Variants in ADGRB1 observed in about 807,000 individuals in gnomAD.
ADGRB1 encodes brain-specific angiogenesis inhibitor 1.
In ADGRB1, 36 loss-of-function variants were observed where a neutral mutation model predicts 175.7. The ratio of observed to expected loss-of-function variants is 0.20; its 90% CI spans 0.16 to 0.27. The LOEUF (loss-of-function observed/expected upper bound fraction) is 0.27. Among genes scored for constraint, ADGRB1 ranks in the 10% least tolerant of loss-of-function variants. The pLI, the probability that ADGRB1 is intolerant of heterozygous loss-of-function variation, is 1.00. For synonymous variants in ADGRB1, 1,054 were observed against 979.4 expected (o/e 1.08, Z -1.42); for missense variants, 1,731 against 2,255.3 (o/e 0.77, Z 4.71).
intron 2 of ADGRB1, 104 bp downstream of exon 2, chr8:142,465,086 G>A: frequency 2.6e-6 from 3 of 1,163,538 alleles, no homozygotes; most frequent in South Asian, 3.3e-5. Context: ...GGACAGAGGA[G>A]GTGGGCGGGC....
At chr8:142,512,839 TG>T (rs1201145785) in intron 18 of ADGRB1, among the ~76,000 whole-genome samples, 1 of 152,112 alleles carries the variant, frequency 6.6e-6, no homozygotes, top group African/African-American at 2.4e-5. Context: ...GGCAGGTACA[TG>T]GGCTGAAGGG....
rs770640823 is a variant in ADGRB1, at chr8:142,537,031, G to A, written c.3615G>A (p.Glu1205=). 49 of 1,590,412 alleles carry A rather than the reference G, an allele frequency of 3.1e-5. No homozygotes were observed. In the East Asian group the frequency reaches 1.1e-3, roughly 37 times the overall value. ...GCCGTGTGGTTGACCGGCAGGAGGA[G>A]GGCAACGGGGACTCAGGGGGCTCCT... ...VKCRVVDRQE[E]GNGDSGGSFQ... The change falls in exon 26 of 31, where the codon GAG becomes GAA. Residue 1205 remains glutamate, a synonymous_variant. Transcript: ENST00000517894. The surrounding 1 kb of genome is among the most constrained non-coding windows in gnomAD (Gnocchi z 4.6).
intron 3 of ADGRB1, among the ~76,000 whole-genome samples, chr8:142,475,863 T>A (rs1840939149): frequency 2.2e-5 from 2 of 91,370 alleles, no homozygotes; most frequent in Admixed American, 2.1e-4. Flanking sequence ...GTGAATAGGG[T>A]GGGTCTGGGC....
chr8:142,540,693 G>A (rs1292686754), intron 27 of ADGRB1, among the ~76,000 whole-genome samples: 7 of 152,172 alleles, frequency 4.6e-5, no homozygotes, highest in Non-Finnish European at 1.0e-4. Flanking sequence ...TGGGAGGTCG[G>A]GAGCCCCAGG....
intron 23 of ADGRB1, among the ~76,000 whole-genome samples, chr8:142,525,266 C>T (rs571615188): frequency 6.6e-6 from 1 of 152,116 alleles, no homozygotes; most frequent in Non-Finnish European, 1.5e-5. Context: ...TTATTCCTTC[C>T]TCCAGGCGGG....
chr8:142,536,897 C>A, intron 25 of ADGRB1, 90 bp from the exon 26 acceptor site: 1 of 1,146,680 alleles, frequency 8.7e-7, no homozygotes, highest in Non-Finnish European at 1.2e-6. Flanking sequence ...CCGAGACGCC[C>A]GCCCCCCCAC....
chr8:142,467,922 G>A (rs370987969), intron 2 of ADGRB1, among the ~76,000 whole-genome samples: 9 of 152,344 alleles, frequency 5.9e-5, no homozygotes, highest in African/African-American at 1.9e-4. Flanking sequence ...TCTTAGGCAG[G>A]GAGACTCTAG....
At chr8:142,478,489 A>T (rs1244785185) in intron 7 of ADGRB1, 129 bp downstream of exon 7, 1 of 1,143,066 alleles carries the variant, frequency 8.7e-7, no homozygotes, top group Non-Finnish European at 1.2e-6. Flanking sequence ...AGTGGGGTGC[A>T]CAGTGGGGTC....
rs1275300005 is a variant in ADGRB1, at chr8:142,511,872, C to G, written c.2817+799C>G. ...TGGGCGTGTGCTCACCAAGTAACCT[C>G]CGCCCAGACCTCGTGTGGAAGCCTG... On this transcript the variant is annotated intron_variant, in intron 18 of 30. Coordinates refer to ENST00000517894, the MANE Select transcript of ADGRB1 (RefSeq NM_001702.3). This position sits in a 1 kb window ranked among gnomAD's most constrained non-coding sequence, Gnocchi z 4.5. 6.6e-6 allele frequency among the ~76,000 whole-genome samples: 1 copy of G among 152,218 alleles called. No individual in the cohort carries two copies. Among genetic ancestry groups the G allele is most frequent in the Non-Finnish European group, 1.5e-5 (1 of 68,032 alleles).
At chr8:142,484,797 C>A in intron 13 of ADGRB1, 33 bp downstream of exon 13, 1 of 1,497,054 alleles carries the variant, frequency 6.7e-7, no homozygotes, top group Non-Finnish European at 9.1e-7. Context: ...ACCCCCCATG[C>A]CTTGCTTTGC....
intron 23 of ADGRB1, 79 bp from the exon 24 acceptor site, chr8:142,526,463 A>C: frequency 7.5e-7 from 1 of 1,324,864 alleles, no homozygotes. Context: ...TGGCGTAGCC[A>C]GCATCGGTCC....
chr8:142,483,869 A>G, intron 11 of ADGRB1, 108 bp from the exon 12 acceptor site: 2 of 1,169,728 alleles, frequency 1.7e-6, no homozygotes, highest in Non-Finnish European at 2.5e-6. Flanking sequence ...TCCTGGTCAC[A>G]TATTCAGCCC....
In ADGRB1 at chr8:142,474,492, G is replaced by T. The variant is rs890632583; in HGVS notation, c.785-982G>T. Among the ~76,000 whole-genome samples, 2 of 152,266 alleles carry T rather than the reference G, an allele frequency of 1.3e-5. No individual in the cohort carries two copies. The highest frequency in any genetic ancestry group is 1.3e-4 in the Admixed American group (2 of 15,300). Reference sequence around the variant, plus strand: ...GCAGGAGGCCCGAGCGGGAGGCCTGGACGCGGCAGCCCCTTCCCGGCCCCC... The same window carrying T: ...GCAGGAGGCCCGAGCGGGAGGCCTGTACGCGGCAGCCCCTTCCCGGCCCCC... On this transcript the variant is annotated intron_variant, in intron 2 of 30. Transcript: ENST00000517894. This position sits in a 1 kb window ranked among gnomAD's most constrained non-coding sequence, Gnocchi z 5.8.
At chr8:142,527,546 C>T (rs1345410141) in intron 24 of ADGRB1, among the ~76,000 whole-genome samples, 8 of 152,140 alleles carry the variant, frequency 5.3e-5, no homozygotes, top group Admixed American at 4.6e-4. Flanking sequence ...CGTGCCATGG[C>T]CCTGGGGTCT....
chr8:142,539,215 G>A (rs553519465), intron 26 of ADGRB1, among the ~76,000 whole-genome samples, 159 bp from the exon 27 acceptor site: 13 of 152,262 alleles, frequency 8.5e-5, no homozygotes, highest in African/African-American at 3.1e-4. Context: ...AGGTACATGG[G>A]GAGGCATGGT....
intron 6 of ADGRB1, 63 bp downstream of exon 6, chr8:142,477,612 C>T (rs1841053281): frequency 6.5e-7 from 1 of 1,546,920 alleles, no homozygotes; most frequent in African/African-American, 1.4e-5. Flanking sequence ...CACAGTGGGC[C>T]ACCGGCCAGG....
At chr8:142,521,004 G>A (rs570206997) in intron 20 of ADGRB1, 79 bp downstream of exon 20, 19 of 1,394,278 alleles carry the variant, frequency 1.4e-5, no homozygotes, top group South Asian at 2.6e-5. Context: ...GGCCTGGACC[G>A]TGGGATCCCT....
Position 142,513,198 on chromosome 8 carries a change from C to T in ADGRB1, c.2817+2125C>T, listed in dbSNP as rs554972304. The stretch of plus-strand genomic sequence containing the variant: ...GTCTGCAGAGCCACGGGACCGAGGG[C>T]GGGCTGCCTGGACCCTGGGAGCCTC... On this transcript the variant is annotated intron_variant, in intron 18 of 30. Transcript: ENST00000517894. Among the ~76,000 whole-genome samples the T allele has an allele frequency of 1.4e-3, 214 of 152,290 alleles. 1 individual carries two copies. Among genetic ancestry groups the T allele is most frequent in the Middle Eastern group, 3.4e-3 (1 of 294 alleles).
Position 142,542,412 on chromosome 8 carries a change from C to G in ADGRB1, c.4178C>G (p.Pro1393Arg). Residue 1393 changes from proline (P) to arginine (R), a missense_variant, in exon 28 of 31, where the codon CCG (proline) becomes CGG (arginine). Around this residue, in one of 8 missense-constraint regions of ADGRB1, gnomAD observed 394 missense variants for 410.2 expected, o/e 0.96. Transcript: ENST00000517894. The surrounding 1 kb of genome is among the most constrained non-coding windows in gnomAD (Gnocchi z 6.3). ...GAGGCCAGCCTCCCCGCCCGCAGCC[C>G]GCCCTCCCGCCAGCCCCCCAGCGGC... is the stretch of plus-strand genomic sequence containing the variant. Reference protein sequence around the residue: ...APEASLPARSPPSRQPPSGGP... With the variant: ...APEASLPARSRPSRQPPSGGP... 1 of 1,539,750 alleles carries G rather than the reference C, an allele frequency of 6.5e-7. No homozygotes were observed. Among genetic ancestry groups the G allele is most frequent in the Non-Finnish European group, 8.7e-7 (1 of 1,143,350 alleles).
Sources: allele counts gnomAD v4.1 joint callset (sites outside exome capture counted in the v4.1 genomes callset), GRCh38; gene constraint gnomAD v4.1.1; regional missense constraint gnomAD v4.1.1; non-coding constraint Gnocchi (gnomAD v3.1); transcripts MANE v1.5; gene names NCBI Gene and HGNC (gene_info 2026-07-23, HGNC 2026-07-21).